Variants in SPATA6 observed in about 807,000 individuals in gnomAD.
The protein encoded by SPATA6 is spermatogenesis-associated protein 6.
In SPATA6, 56 loss-of-function variants were observed where a neutral mutation model predicts 65.3. The ratio of observed to expected loss-of-function variants is 0.86; its 90% confidence interval spans 0.69 to 1.07. The LOEUF is 1.07. Among genes scored for constraint, SPATA6 ranks in the 50% least tolerant of loss-of-function variants. SPATA6 has a pLI of 0.00. For missense variants in SPATA6, 590 were observed against 594.8 expected (o/e 0.99, Z 0.08); for synonymous variants, 199 against 213.2 (o/e 0.93, Z 0.58).
At chr1:48,382,925 T>C (rs1570394927) in intron 9 of SPATA6, among the ~76,000 whole-genome samples, 2 of 139,030 alleles carry the variant, frequency 1.4e-5, no homozygotes, top group Admixed American at 7.0e-5. Context: ...CCCACCTCCC[T>C]CCCGGATGGG....
intron 9 of SPATA6, among the ~76,000 whole-genome samples, chr1:48,363,781 TC>T (rs1391117641): frequency 6.6e-6 from 1 of 151,538 alleles, no homozygotes; most frequent in African/African-American, 2.4e-5. Context: ...TTGCCTTTTT[TC>T]TTTTTTTATT....
At chr1:48,343,784 G>A (rs1646285586) in intron 11 of SPATA6, among the ~76,000 whole-genome samples, 1 of 152,072 alleles carries the variant, frequency 6.6e-6, no homozygotes, top group South Asian at 2.1e-4. Flanking sequence ...GCAGGGGTTG[G>A]CAAACATTGT....
chr1:48,417,832 A>T (rs1652916502), intron 3 of SPATA6, among the ~76,000 whole-genome samples: 1 of 152,086 alleles, frequency 6.6e-6, no homozygotes, highest in African/African-American at 2.4e-5. Flanking sequence ...CATCTCAAAA[A>T]CAAAAAAACA....
intron 9 of SPATA6, among the ~76,000 whole-genome samples, chr1:48,375,213 A>G (rs567539217): frequency 1.1e-4 from 16 of 152,274 alleles, no homozygotes. Context: ...TCAATCACTG[A>G]GTTTCCCTGT....
chr1:48,440,440 G>A (rs766864705), intron 3 of SPATA6, among the ~76,000 whole-genome samples: 2 of 152,148 alleles, frequency 1.3e-5, no homozygotes, highest in Non-Finnish European at 2.9e-5. Context: ...GGAGATACCT[G>A]GTATCTTAGT....
chr1:48,332,741 A>G (rs1279358770), intron 11 of SPATA6, among the ~76,000 whole-genome samples: 1 of 152,224 alleles, frequency 6.6e-6, no homozygotes, highest in Non-Finnish European at 1.5e-5. Flanking sequence ...AGACAGCTAC[A>G]TAACTTTCCA....
At chr1:48,279,021 A>G in the SPATA6 span, among the ~76,000 whole-genome samples, 1 of 152,206 alleles carries the variant, frequency 6.6e-6, no homozygotes, top group Admixed American at 6.5e-5. Context: ...AGTGGGGGCC[A>G]ATATTCAACA....
rs557935359 is a variant in SPATA6, at chr1:48,335,231, C to T, written c.1194+20439G>A. On this transcript the variant is annotated intron_variant, in intron 11 of 12. Transcript: ENST00000371847. Reference sequence around the variant, plus strand: ...CTCAATGCAATTTACAGATTCAATGCTATTCCTATCAAACTACCAATGAAA... The same window carrying T: ...CTCAATGCAATTTACAGATTCAATGTTATTCCTATCAAACTACCAATGAAA... Among the ~76,000 whole-genome samples, 270 of 151,904 alleles carry T rather than the reference C, an allele frequency of 1.8e-3. 1 individual carries two copies. The highest frequency in any genetic ancestry group is 6.3e-3 in the African/African-American group (259 of 41,432).
intron 9 of SPATA6, among the ~76,000 whole-genome samples, chr1:48,375,576 T>C (rs935606118): frequency 6.6e-6 from 1 of 152,148 alleles, no homozygotes; most frequent in African/African-American, 2.4e-5. Flanking sequence ...TGGGAGAGAC[T>C]GCCTCCAAAT....
chr1:48,339,070 C>G (rs1269007145), intron 11 of SPATA6, among the ~76,000 whole-genome samples: 2 of 151,932 alleles, frequency 1.3e-5, no homozygotes, highest in African/African-American at 4.8e-5. Flanking sequence ...ATTTCTGAAA[C>G]TTCCTAGTGT....
intron 11 of SPATA6, among the ~76,000 whole-genome samples, chr1:48,313,167 A>T (rs1645278462): frequency 6.6e-6 from 1 of 152,200 alleles, no homozygotes; most frequent in South Asian, 2.1e-4. Flanking sequence ...ATGCAGGCTG[A>T]CATTCAAATT....
At chr1:48,433,651 T>C (rs552710437) in intron 3 of SPATA6, among the ~76,000 whole-genome samples, 2 of 152,276 alleles carry the variant, frequency 1.3e-5, no homozygotes, top group East Asian at 1.9e-4. Flanking sequence ...ACAGCTGCTA[T>C]AATAATTTTT....
At chr1:48,350,588 GC>G (rs2148793257) in intron 11 of SPATA6, among the ~76,000 whole-genome samples, 1 of 151,722 alleles carries the variant, frequency 6.6e-6, no homozygotes, top group East Asian at 1.9e-4. Context: ...ACGCCAAGGG[GC>G]TTTTAAAAAA....
At chr1:48,441,690 C>T (rs1461174581) in intron 3 of SPATA6, among the ~76,000 whole-genome samples, 1 of 152,062 alleles carries the variant, frequency 6.6e-6, no homozygotes. Flanking sequence ...TACTCAGACT[C>T]GTGGGACAAC....
intron 11 of SPATA6, among the ~76,000 whole-genome samples, chr1:48,350,255 A>G (rs1646479513): frequency 6.9e-6 from 1 of 144,972 alleles, no homozygotes; most frequent in East Asian, 2.0e-4. Flanking sequence ...TAATTTGGTT[A>G]TTTATTTTTT....
chr1:48,395,287 C>T lies in SPATA6; in HGVS notation c.848G>A (p.Gly283Glu). The T allele has an allele frequency of 6.4e-7, 1 of 1,566,066 alleles. No individual in the cohort carries two copies. The highest frequency in any genetic ancestry group is 8.7e-7 in the Non-Finnish European group (1 of 1,153,212). Residue 283 changes from glycine to glutamate, a missense_variant, in exon 8 of 13, where the codon GGA (glycine) becomes GAA (glutamate). Coordinates refer to ENST00000371847, the MANE Select transcript of SPATA6 (RefSeq NM_019073.4). ...GSSGRDCERD[G>E]WSRVHNDHSH... Reference sequence around the variant, plus strand: ...CTTACCATTGTGCACCCTTGACCATCCATCTCTTTCACAGTCTCTTCCAGA... The same window carrying T: ...CTTACCATTGTGCACCCTTGACCATTCATCTCTTTCACAGTCTCTTCCAGA...
In SPATA6 at chr1:48,297,863, T is replaced by C. The variant is rs1275363636; in HGVS notation, c.*850A>G. 1.3e-5 allele frequency: 2 copies of C among 152,016 alleles called. No individual in the cohort carries two copies. The highest frequency in any genetic ancestry group is 2.9e-5 in the Non-Finnish European group (2 of 67,966). 9.4% of individuals were successfully genotyped at this position (152,016 alleles called of 1,614,324 possible). A position where few individuals can be genotyped will look rare whatever the true frequency, so the allele number is the denominator to read the frequency against. On this transcript the variant is annotated 3_prime_UTR_variant, in exon 13 of 13. Coordinates refer to ENST00000371847, the MANE Select transcript of SPATA6 (RefSeq NM_019073.4). The stretch of plus-strand genomic sequence containing the variant: ...TTTTTTTTTTAAAGTGAGGATACTA[T>C]AATAGTGCCTTGGGCCATATGGTAC...
the SPATA6 span, among the ~76,000 whole-genome samples, chr1:48,288,165 G>T: frequency 6.6e-6 from 1 of 152,292 alleles, no homozygotes; most frequent in Non-Finnish European, 1.5e-5. Context: ...TGGTTGTGGT[G>T]TATGATCCTT....
At chr1:48,410,208 G>C (rs1405003164) in intron 5 of SPATA6, among the ~76,000 whole-genome samples, 2 of 152,140 alleles carry the variant, frequency 1.3e-5, no homozygotes, top group African/African-American at 4.8e-5. Flanking sequence ...CAAGTTCAAA[G>C]TTCCACAGAT....
Sources: gnomAD v4.1 joint callset for allele counts (sites outside exome capture counted in the v4.1 genomes callset) on GRCh38, gnomAD v4.1.1 for gene constraint, MANE v1.5 for transcripts, NCBI Gene and HGNC (gene_info 2026-07-23, HGNC 2026-07-21) for gene names.